The following TTC29 variants were observed in gnomAD, a reference collection of about 807,000 sequenced individuals.
The protein encoded by TTC29 is tetratricopeptide repeat protein 29.
Under a neutral mutation model 58.1 loss-of-function variants are expected in TTC29, and 49 were observed. The observed-to-expected ratio is 0.84, with a 90% CI of 0.67 to 1.07. The LOEUF (loss-of-function observed/expected upper bound fraction) is 1.07. TTC29 is among the 50% of genes least tolerant of loss of function. The pLI is 0.00. For missense variants in TTC29, 582 were observed against 555.6 expected, an observed-to-expected ratio of 1.05 and a Z score of -0.48; for synonymous variants, 209 against 196.8, an observed-to-expected ratio of 1.06 and a Z score of -0.52.
chr4:146,827,914 C>T (rs1727916402), intron 9 of TTC29, among the ~76,000 whole-genome samples: 1 of 152,156 alleles, frequency 6.6e-6, no homozygotes, highest in African/African-American at 2.4e-5. Context: ...CTCTGCAAAT[C>T]AGTCACATAA....
intron 11 of TTC29, among the ~76,000 whole-genome samples, chr4:146,714,427 A>G (rs569105237): frequency 6.6e-6 from 1 of 152,230 alleles, no homozygotes; most frequent in South Asian, 2.1e-4. Flanking sequence ...AGACAGCTTT[A>G]AGCAGCCTAA....
At chr4:146,731,196 A>T (rs1199884816) in intron 11 of TTC29, among the ~76,000 whole-genome samples, 1 of 152,112 alleles carries the variant, frequency 6.6e-6, no homozygotes, top group Non-Finnish European at 1.5e-5. Flanking sequence ...TATCATAGTG[A>T]TACCTTATGG....
intron 8 of TTC29, among the ~76,000 whole-genome samples, chr4:146,858,618 G>A (rs1055144663): frequency 5.3e-5 from 8 of 152,034 alleles, no homozygotes; most frequent in African/African-American, 1.7e-4. Context: ...CTAGCACTTC[G>A]GAAAAAATAT....
intron 8 of TTC29, 69 bp downstream of exon 8, chr4:146,867,429 A>G (rs1213344907): frequency 2.6e-6 from 2 of 773,060 alleles, no homozygotes; most frequent in Admixed American, 7.0e-5. Context: ...TTGTAATAAC[A>G]TATAGGAAAA....
intron 6 of TTC29, among the ~76,000 whole-genome samples, chr4:146,890,300 G>T (rs905317400): frequency 6.6e-6 from 1 of 152,148 alleles, no homozygotes; most frequent in Non-Finnish European, 1.5e-5. Flanking sequence ...AAACATGGTT[G>T]AAAAAGTTCT....
intron 11 of TTC29, among the ~76,000 whole-genome samples, chr4:146,798,979 G>T (rs1454130873): frequency 6.6e-6 from 1 of 151,344 alleles, no homozygotes; most frequent in African/African-American, 2.4e-5. Context: ...AGTTCCAGAG[G>T]AATCTTGTCG....
intron 11 of TTC29, among the ~76,000 whole-genome samples, chr4:146,736,976 A>G (rs1225212206): frequency 6.6e-6 from 1 of 152,202 alleles, no homozygotes; most frequent in African/African-American, 2.4e-5. Flanking sequence ...GACAAGAGGA[A>G]CTACTTGGTT....
chr4:146,815,745 T>C (rs1284547122), intron 10 of TTC29, among the ~76,000 whole-genome samples: 1 of 152,206 alleles, frequency 6.6e-6, no homozygotes, highest in Non-Finnish European at 1.5e-5. Flanking sequence ...TGAAGATATC[T>C]AAGTGAAGAC....
chr4:146,897,485 G>A (rs1047172394), intron 6 of TTC29, among the ~76,000 whole-genome samples: 10 of 152,082 alleles, frequency 6.6e-5, no homozygotes, highest in Non-Finnish European at 1.5e-5. Context: ...CATGCCCTAT[G>A]ACTGCAACCA....
chr4:146,840,900 G>C (rs1397071901), intron 8 of TTC29, among the ~76,000 whole-genome samples: 1 of 152,094 alleles, frequency 6.6e-6, no homozygotes, highest in Non-Finnish European at 1.5e-5. Context: ...GCTTTGCTAG[G>C]ATACATAGAT....
At chr4:146,719,267 T>C (rs1325102333) in intron 11 of TTC29, among the ~76,000 whole-genome samples, 1 of 151,944 alleles carries the variant, frequency 6.6e-6, no homozygotes, top group African/African-American at 2.4e-5. Flanking sequence ...GTCTTTTCTA[T>C]TTATGAAAAA....
chr4:146,711,592 G>C (rs1206165916), intron 11 of TTC29, among the ~76,000 whole-genome samples: 2 of 152,112 alleles, frequency 1.3e-5, no homozygotes, highest in African/African-American at 4.8e-5. Flanking sequence ...TTATGAAACT[G>C]ATTAAGAATA....
At chr4:146,852,445 G>A (rs1009230477) in intron 8 of TTC29, among the ~76,000 whole-genome samples, 2 of 152,134 alleles carry the variant, frequency 1.3e-5, no homozygotes, top group African/African-American at 2.4e-5. Flanking sequence ...TTGTGACCAC[G>A]GGCTGACTAG....
intron 11 of TTC29, among the ~76,000 whole-genome samples, chr4:146,767,250 G>T (rs1042398434): frequency 6.6e-6 from 1 of 151,776 alleles, no homozygotes; most frequent in African/African-American, 2.4e-5. Context: ...CTTCTGCCTG[G>T]TTCACTGGGG....
At chr4:146,921,677 A>G (rs1734590230) in intron 4 of TTC29, among the ~76,000 whole-genome samples, 1 of 151,190 alleles carries the variant, frequency 6.6e-6, no homozygotes, top group African/African-American at 2.4e-5. Context: ...CATAAAATTA[A>G]CAGAATAATG....
chr4:146,814,323 G>A (rs1561150800), intron 10 of TTC29, among the ~76,000 whole-genome samples: 1 of 150,794 alleles, frequency 6.6e-6, no homozygotes, highest in Non-Finnish European at 1.5e-5. Context: ...GCTCATGCCT[G>A]TAATCCGCAG....
chr4:146,871,287 C>T (rs55928716), intron 7 of TTC29, among the ~76,000 whole-genome samples: 15,640 of 151,810 alleles, frequency 0.1, 949 homozygotes, highest in East Asian at 0.2. Flanking sequence ...ATCCAACCCC[C>T]TTTCATGTTA....
At position 146,826,483 on chromosome 4, in the gene TTC29, T is replaced by C. The variant is rs1200324618; in HGVS notation, c.978-6235A>G. ...GAGTTTCTGCTGAGATGTCTGCTGT[T>C]AGTCTGATGGGCTTCCCTTTGTAGG... On this transcript the variant is annotated intron_variant, in intron 9 of 12. Transcript: ENST00000325106. Among the ~76,000 whole-genome samples, 3 of 152,334 alleles carry C rather than the reference T, an allele frequency of 2.0e-5. No individual in the cohort carries two copies. In the East Asian group the frequency reaches 5.8e-4, roughly 29 times the overall value.
chr4:146,860,765 T>C (rs769425301), intron 8 of TTC29, among the ~76,000 whole-genome samples: 2 of 152,164 alleles, frequency 1.3e-5, no homozygotes, highest in Non-Finnish European at 2.9e-5. Context: ...AAGTAAAACC[T>C]CAGATGAGGG....
Sources: gnomAD v4.1 joint callset for allele counts (sites outside exome capture counted in the v4.1 genomes callset) on GRCh38, gnomAD v4.1.1 for gene constraint, MANE v1.5 for transcripts, NCBI Gene and HGNC (gene_info 2026-07-23, HGNC 2026-07-21) for gene names.